DPP10: variants seen among roughly 807,000 people sequenced by gnomAD.
The protein encoded by DPP10 is inactive dipeptidyl peptidase 10.
DPP10 carries 33 observed loss-of-function variants against 120.9 expected under a neutral mutation model. That is an observed-to-expected ratio of 0.27 (90% confidence interval 0.21 to 0.37). The LOEUF (loss-of-function observed/expected upper bound fraction) is 0.37, where lower values mean the gene tolerates loss of function less well. DPP10 is among the 10% of genes least tolerant of loss of function. The pLI is 1.00. For missense variants in DPP10, 816 were observed against 942.8 expected (o/e 0.87, Z 1.76); for synonymous variants, 337 against 326.1 (o/e 1.03, Z -0.36).
At chr2:114,643,935 ATTT>A (rs56039510) in intron 1 of DPP10, among the ~76,000 whole-genome samples, 5 of 130,182 alleles carry the variant, frequency 3.8e-5, no homozygotes, top group African/African-American at 1.2e-4. Context: ...ATATATATAT[ATTT>A]TTTTTTTTTT....
chr2:115,646,169 C>T (rs1411081845), intron 5 of DPP10, among the ~76,000 whole-genome samples: 3 of 152,132 alleles, frequency 2.0e-5, no homozygotes, highest in Non-Finnish European at 4.4e-5. Flanking sequence ...TTTTATTCAA[C>T]AGAGAGTGAC....
chr2:114,641,831 A>G (rs1374602602), intron 1 of DPP10, among the ~76,000 whole-genome samples: 1 of 151,958 alleles, frequency 6.6e-6, no homozygotes, highest in Non-Finnish European at 1.5e-5. Context: ...CTTATAGATC[A>G]TAATTAAATA....
intron 3 of DPP10, among the ~76,000 whole-genome samples, chr2:115,432,359 A>T (rs1038239111): frequency 6.6e-6 from 1 of 152,092 alleles, no homozygotes; most frequent in African/African-American, 2.4e-5. Flanking sequence ...AAGATTTCAA[A>T]TGTGGGAGAT....
intron 3 of DPP10, among the ~76,000 whole-genome samples, chr2:115,412,214 G>A (rs1393993702): frequency 6.6e-6 from 1 of 152,150 alleles, no homozygotes; most frequent in South Asian, 2.1e-4. Context: ...ATAGAGAAGC[G>A]CCTGTGTGGC....
intron 1 of DPP10, among the ~76,000 whole-genome samples, chr2:115,019,112 G>C (rs1401290927): frequency 6.7e-6 from 1 of 148,682 alleles, no homozygotes; most frequent in Non-Finnish European, 1.5e-5. Flanking sequence ...CCGACACCAA[G>C]CCCAGCAATA....
intron 3 of DPP10, among the ~76,000 whole-genome samples, chr2:115,352,676 T>A (rs2064113648): frequency 6.6e-6 from 1 of 152,100 alleles, no homozygotes; most frequent in African/African-American, 2.4e-5. Flanking sequence ...TATAAAGGGT[T>A]TTTTTCCTCA....
chr2:114,576,880 T>G (rs957967642), intron 1 of DPP10, among the ~76,000 whole-genome samples: 37 of 152,120 alleles, frequency 2.4e-4, no homozygotes, highest in Admixed American at 1.2e-3. Context: ...AGTGTTTTTT[T>G]TTTGTTTGTT....
intron 1 of DPP10, among the ~76,000 whole-genome samples, chr2:115,074,940 C>G (rs908472195): frequency 2.0e-5 from 3 of 152,150 alleles, no homozygotes; most frequent in Non-Finnish European, 4.4e-5. Context: ...AGGTAGAAGA[C>G]CACATCTTGA....
chr2:114,671,156 G>A (rs747224220), intron 1 of DPP10, among the ~76,000 whole-genome samples: 5 of 152,150 alleles, frequency 3.3e-5, no homozygotes, highest in Non-Finnish European at 5.9e-5. Context: ...ATAACTTTCA[G>A]TTGGGAAGAA....
At chr2:114,700,657 T>G (rs1221417119) in intron 1 of DPP10, among the ~76,000 whole-genome samples, 2 of 152,118 alleles carry the variant, frequency 1.3e-5, no homozygotes, top group African/African-American at 4.8e-5. Flanking sequence ...CTGCCTCTTC[T>G]GCCTGGTAAG....
chr2:115,469,545 G>A (rs927305357), intron 3 of DPP10, among the ~76,000 whole-genome samples: 1 of 152,098 alleles, frequency 6.6e-6, no homozygotes, highest in African/African-American at 2.4e-5. Context: ...CCCTTCAGAG[G>A]TTCTACGATT....
chr2:115,499,457 C>T, intron 3 of DPP10, 53 bp from the exon 4 acceptor site: 5 of 1,422,478 alleles, frequency 3.5e-6, no homozygotes, highest in Non-Finnish European at 4.9e-6. Flanking sequence ...CCTACAGTTA[C>T]TATATTATCT....
chr2:115,582,047 C>A (rs1648041688), intron 5 of DPP10, among the ~76,000 whole-genome samples: 1 of 152,030 alleles, frequency 6.6e-6, no homozygotes, highest in South Asian at 2.1e-4. Context: ...AGAGCAGGAG[C>A]AAAAGGAAGT....
chr2:115,377,733 G>A (rs1288853132), intron 3 of DPP10, among the ~76,000 whole-genome samples: 1 of 151,886 alleles, frequency 6.6e-6, no homozygotes, highest in African/African-American at 2.4e-5. Flanking sequence ...TTTTGTATAA[G>A]GTGTAAGGAA....
intron 5 of DPP10, among the ~76,000 whole-genome samples, chr2:115,565,912 T>C (rs889692981): frequency 6.6e-5 from 10 of 151,424 alleles, no homozygotes; most frequent in African/African-American, 2.2e-4. Flanking sequence ...CAGCCTCCCA[T>C]GTAGCTGGGA....
At chr2:114,450,256 A>G (rs986330504) in intron 1 of DPP10, among the ~76,000 whole-genome samples, 3 of 152,044 alleles carry the variant, frequency 2.0e-5, no homozygotes, top group Non-Finnish European at 1.5e-5. Context: ...CTTATGCAGA[A>G]TTTTCTCAGT....
intron 1 of DPP10, among the ~76,000 whole-genome samples, chr2:114,633,050 T>C (rs1008425081): frequency 3.3e-5 from 5 of 151,930 alleles, no homozygotes; most frequent in African/African-American, 1.2e-4. Flanking sequence ...TGGGCAATCA[T>C]ATTTAGAAAA....
intron 1 of DPP10, among the ~76,000 whole-genome samples, chr2:114,808,490 AC>A (rs770222023): frequency 1.2e-4 from 18 of 152,052 alleles, no homozygotes; most frequent in Non-Finnish European, 2.1e-4. Flanking sequence ...CTGCCCCCAA[AC>A]ATAAAAGTGG....
chr2:115,231,098 C>G (rs754613176), intron 1 of DPP10, among the ~76,000 whole-genome samples: 3 of 151,874 alleles, frequency 2.0e-5, no homozygotes, highest in Non-Finnish European at 4.4e-5. Context: ...GAGTTCCCTA[C>G]TTTTGTTATC....
Sources: gnomAD v4.1 joint callset for allele counts (sites outside exome capture counted in the v4.1 genomes callset) on GRCh38, gnomAD v4.1.1 for gene constraint, MANE v1.5 for transcripts, NCBI Gene and HGNC (gene_info 2026-07-23, HGNC 2026-07-21) for gene names.